DIS3L2: variants seen among roughly 807,000 people sequenced by gnomAD.
DIS3L2 encodes the protein DIS3-like exonuclease 2.
In DIS3L2, 34 loss-of-function variants were observed where a neutral mutation model predicts 97.5. The ratio of observed to expected loss-of-function variants is 0.35; its 90% confidence interval spans 0.27 to 0.46. DIS3L2 has a LOEUF of 0.46. DIS3L2 is among the 20% of genes least tolerant of loss of function. The pLI, the probability that DIS3L2 is intolerant of heterozygous loss-of-function variation, is 1.00. For synonymous variants in DIS3L2, 435 were observed against 445.2 expected, an observed-to-expected ratio of 0.98 and a Z score of 0.29; for missense variants, 1,038 against 1,146.0, an observed-to-expected ratio of 0.91 and a Z score of 1.36.
At chr2:232,279,437 A>G (rs1694225071) in intron 13 of DIS3L2, among the ~76,000 whole-genome samples, 1 of 152,100 alleles carries the variant, frequency 6.6e-6, no homozygotes, top group Non-Finnish European at 1.5e-5. Context: ...GTGTCTGTTC[A>G]TATCTTTTGC....
intron 6 of DIS3L2, among the ~76,000 whole-genome samples, chr2:232,127,274 A>AC (rs1698089259): frequency 6.6e-6 from 1 of 152,038 alleles, no homozygotes; most frequent in South Asian, 2.1e-4. Context: ...AAATAGAACC[A>AC]CCTCCGAAAT....
At chr2:232,333,756 G>GACTCCTTAC in intron 16 of DIS3L2, 84 bp from the exon 17 acceptor site, 29 of 1,487,158 alleles carry the variant, frequency 2.0e-5, no homozygotes, top group Admixed American at 1.4e-4. Context: ...CGCTGCCGAC[G>GACTCCTTAC]GTGAGGCTGT....
rs1158362941 is a variant in DIS3L2, at chr2:232,334,755, C to A, written c.2394+20C>A. 1.3e-5 allele frequency: 20 copies of A among 1,580,828 alleles called. No homozygotes were observed. Among genetic ancestry groups the A allele is most frequent in the Non-Finnish European group, 1.7e-5 (20 of 1,164,700 alleles). On this transcript the variant is annotated intron_variant, in intron 19 of 20. Transcript: ENST00000325385. ...TGCAACGTGAGTGCCCTGGGAGAGC[C>A]CGGGGGCGGGCAGGGCAGCCCAAGC... is the stretch of plus-strand genomic sequence containing the variant.
At chr2:232,115,345 G>T (rs1272997906) in intron 6 of DIS3L2, among the ~76,000 whole-genome samples, 1 of 151,902 alleles carries the variant, frequency 6.6e-6, no homozygotes, top group African/African-American at 2.4e-5. Context: ...ACAATTATTT[G>T]GAATCAGTCT....
intron 5 of DIS3L2, among the ~76,000 whole-genome samples, chr2:232,072,739 A>G (rs745458404): frequency 6.7e-6 from 1 of 150,280 alleles, no homozygotes; most frequent in Non-Finnish European, 1.5e-5. Flanking sequence ...GGATGGTGGC[A>G]ATGAAGGTAG....
chr2:232,143,038 A>T (rs1690112963), intron 8 of DIS3L2, among the ~76,000 whole-genome samples: 1 of 152,210 alleles, frequency 6.6e-6, no homozygotes, highest in Non-Finnish European at 1.5e-5. Flanking sequence ...TCTAGTTGTA[A>T]GACTAGGAGT....
intron 14 of DIS3L2, among the ~76,000 whole-genome samples, chr2:232,319,839 G>A (rs1038135911): frequency 7.2e-5 from 11 of 152,206 alleles, no homozygotes; most frequent in African/African-American, 2.4e-4. Flanking sequence ...GTCCAGTCAC[G>A]CTTTGGCATG....
intron 11 of DIS3L2, among the ~76,000 whole-genome samples, chr2:232,240,083 TAGA>T (rs1301922102): frequency 3.3e-5 from 5 of 152,230 alleles, no homozygotes; most frequent in Non-Finnish European, 5.9e-5. Context: ...GGAGCTAGCC[TAGA>T]TGGGCTCTCT....
At chr2:232,134,211 T>C (rs886517968) in intron 7 of DIS3L2, among the ~76,000 whole-genome samples, 3 of 151,874 alleles carry the variant, frequency 2.0e-5, no homozygotes, top group African/African-American at 7.3e-5. Flanking sequence ...AAGAAGAAGA[T>C]TGAACATTCA....
In DIS3L2 at chr2:232,054,255, A is replaced by T. The variant is rs148478686; in HGVS notation, c.366+24175A>T. Reference sequence around the variant, plus strand: ...TTTGGACATCTACTGTGTACCAGATAAGAGAACATATCATTGAATATAACA... The same window carrying T: ...TTTGGACATCTACTGTGTACCAGATTAGAGAACATATCATTGAATATAACA... On this transcript the variant is annotated intron_variant, in intron 5 of 20. Coordinates refer to ENST00000325385, the MANE Select transcript of DIS3L2 (RefSeq NM_152383.5). Among the ~76,000 whole-genome samples, 18 of 152,352 alleles carry T rather than the reference A, an allele frequency of 1.2e-4. No homozygotes were observed. The East Asian group carries it at 2.9e-3, about 24-fold the overall frequency.
chr2:232,145,150 T>C (rs1690184002), intron 8 of DIS3L2, among the ~76,000 whole-genome samples: 1 of 152,252 alleles, frequency 6.6e-6, no homozygotes, highest in Non-Finnish European at 1.5e-5. Flanking sequence ...TTAATTGGGC[T>C]GTTTGTCATT....
At chr2:232,007,380 T>C (rs946763525) in intron 1 of DIS3L2, among the ~76,000 whole-genome samples, 26 of 152,190 alleles carry the variant, frequency 1.7e-4, no homozygotes, top group African/African-American at 6.3e-4. Flanking sequence ...CTCTCAGTTA[T>C]GGCATAGAAA....
intron 5 of DIS3L2, among the ~76,000 whole-genome samples, chr2:232,054,532 C>A (rs1337916923): frequency 6.6e-6 from 1 of 152,138 alleles, no homozygotes; most frequent in Non-Finnish European, 1.5e-5. Context: ...GAAAGAACAA[C>A]CAACCAGCCA....
chr2:232,327,488 A>T (rs1213830148), intron 14 of DIS3L2, among the ~76,000 whole-genome samples: 2 of 152,250 alleles, frequency 1.3e-5, no homozygotes, highest in East Asian at 3.8e-4. Flanking sequence ...GTGAGAGGGC[A>T]AAAGTACGCA....
chr2:232,284,084 T>C (rs1273814218), intron 13 of DIS3L2, among the ~76,000 whole-genome samples: 2 of 152,126 alleles, frequency 1.3e-5, no homozygotes, highest in Non-Finnish European at 2.9e-5. Flanking sequence ...AATTCCTCTG[T>C]GTGCAACACC....
intron 4 of DIS3L2, among the ~76,000 whole-genome samples, chr2:232,029,615 C>T (rs1325164284): frequency 1.3e-5 from 2 of 151,870 alleles, no homozygotes; most frequent in East Asian, 1.9e-4. Flanking sequence ...CTTAGGTCTC[C>T]GTAAAAACAA....
chr2:232,087,447 C>A, intron 5 of DIS3L2, 40 bp from the exon 6 acceptor site: 2 of 1,435,904 alleles, frequency 1.4e-6, no homozygotes, highest in African/African-American at 1.5e-5. Flanking sequence ...TTTTTTTTTC[C>A]TCTCTCAGTG....
chr2:232,233,276 A>G (rs551167434), intron 10 of DIS3L2, among the ~76,000 whole-genome samples: 18 of 152,322 alleles, frequency 1.2e-4, no homozygotes, highest in Non-Finnish European at 2.2e-4. Context: ...CAAGATCAAG[A>G]TGCTGGCAGA....
In DIS3L2 at chr2:232,270,902, CTCTCTCTCTCTCTG is replaced by C. The variant is rs1278656025; in HGVS notation, c.1659+7467_1659+7480del. 1.4e-3 allele frequency among the ~76,000 whole-genome samples: 192 copies of C among 137,182 alleles called. 1 individual carries two copies. Among genetic ancestry groups the C allele is most frequent in the Non-Finnish European group, 2.5e-3 (157 of 63,358 alleles). 90.0% of individuals were successfully genotyped at this position (137,182 alleles called of 152,430 possible). On this transcript the variant is annotated intron_variant, in intron 13 of 20. Coordinates refer to ENST00000325385, the MANE Select transcript of DIS3L2 (RefSeq NM_152383.5). ...TCTCTCTCTCTCTCTCTCTCTCTCT[CTCTCTCTCTCTCTG>C]TCTCGTCTCTCTCTCTCTCTCTCTG...
Sources: allele counts gnomAD v4.1 joint callset (sites outside exome capture counted in the v4.1 genomes callset), GRCh38; gene constraint gnomAD v4.1.1; transcripts MANE v1.5; gene names NCBI Gene and HGNC (gene_info 2026-07-23, HGNC 2026-07-21).